Variants in ETV6 observed in about 807,000 individuals in gnomAD.
ETV6 encodes the protein ETS variant transcription factor 6, also known as transcription factor ETV6.
Under a neutral mutation model 51.1 loss-of-function variants are expected in ETV6, and 16 were observed. The ratio of observed to expected loss-of-function variants is 0.31; its 90% CI spans 0.21 to 0.48. The LOEUF is 0.48. Ranked by LOEUF, ETV6 falls within the 20% of genes least tolerant of loss-of-function variation. The pLI is 0.99. For missense variants in ETV6, 458 were observed against 594.8 expected, an observed-to-expected ratio of 0.77 and a Z score of 2.39; for synonymous variants, 240 against 224.1, an observed-to-expected ratio of 1.07 and a Z score of -0.64.
chr12:11,743,358 G>A (rs1159449732), intron 1 of ETV6, among the ~76,000 whole-genome samples: 3 of 152,088 alleles, frequency 2.0e-5, no homozygotes, highest in Non-Finnish European at 4.4e-5. Context: ...TGTTTATTTC[G>A]GAGCCTGAAG....
In ETV6 at chr12:11,869,602, G is replaced by A. The variant is rs72550786; in HGVS notation, c.642G>A (p.Pro214=). 1.2e-3 allele frequency: 1,919 copies of A among 1,614,094 alleles called. 22 individuals carry two copies. The African/African-American group carries it at 0.021, about 18-fold the overall frequency. Residue 214 remains proline, a synonymous_variant, in exon 5 of 8, where the codon CCG becomes CCA. Coordinates refer to ENST00000396373, the MANE Select transcript of ETV6 (RefSeq NM_001987.5). This position sits in a 1 kb window ranked among gnomAD's most constrained non-coding sequence, Gnocchi z 5.0. ...PLDNMIRRLS[P]AERAQGPRPH... is the part of the protein sequence containing the mutation. The stretch of plus-strand genomic sequence containing the variant: ...ACAACATGATCCGCCGCCTCTCCCC[G>A]GCTGAGAGAGCTCAGGGACCCAGGC...
chr12:11,754,566 G>A (rs1273135083), intron 2 of ETV6, among the ~76,000 whole-genome samples: 1 of 152,234 alleles, frequency 6.6e-6, no homozygotes, highest in Non-Finnish European at 1.5e-5. Context: ...TCGACTGTGG[G>A]TAATTTAACT....
chr12:11,773,180 G>A (rs1294053196), intron 2 of ETV6, among the ~76,000 whole-genome samples: 2 of 143,256 alleles, frequency 1.4e-5, no homozygotes, highest in African/African-American at 2.6e-5. Flanking sequence ...GTGACAGAGT[G>A]AGACTCCATC....
At chr12:11,839,064 CCTT>C in intron 2 of ETV6, 73 bp from the exon 3 acceptor site, 2 of 1,465,408 alleles carry the variant, frequency 1.4e-6, no homozygotes, top group South Asian at 2.6e-5. Flanking sequence ...TATTCAGAGA[CCTT>C]CTCCCTTTAT....
chr12:11,715,814 G>A (rs1865264321), intron 1 of ETV6, among the ~76,000 whole-genome samples: 1 of 152,206 alleles, frequency 6.6e-6, no homozygotes, highest in South Asian at 2.1e-4. Flanking sequence ...CCTTAAAATA[G>A]CTAAATTGAG....
intron 5 of ETV6, among the ~76,000 whole-genome samples, chr12:11,880,494 G>A (rs895007517): frequency 1.3e-5 from 2 of 149,110 alleles, no homozygotes; most frequent in African/African-American, 2.6e-5. Flanking sequence ...CCCAGTGCAG[G>A]TTAAGCCCTT....
intron 4 of ETV6, among the ~76,000 whole-genome samples, chr12:11,855,935 T>C (rs1946627394): frequency 6.6e-6 from 1 of 152,218 alleles, no homozygotes. Flanking sequence ...GCAAGGAATA[T>C]ATTACCTAGC....
At chr12:11,751,679 C>T (rs1278831994) in intron 1 of ETV6, among the ~76,000 whole-genome samples, 3 of 152,162 alleles carry the variant, frequency 2.0e-5, no homozygotes, top group African/African-American at 7.2e-5. Flanking sequence ...TCCCACCCCA[C>T]CCTTTGATAC....
At chr12:11,711,736 T>A in intron 1 of ETV6, among the ~76,000 whole-genome samples, 1 of 152,240 alleles carries the variant, frequency 6.6e-6, no homozygotes, top group East Asian at 1.9e-4. Flanking sequence ...GACTGTAAAA[T>A]GAATAAGGTA....
chr12:11,758,876 C>T (rs1472365081), intron 2 of ETV6, among the ~76,000 whole-genome samples: 3 of 152,162 alleles, frequency 2.0e-5, no homozygotes, highest in Non-Finnish European at 4.4e-5. Flanking sequence ...TACTTTGTTC[C>T]CCCTTAAGCC....
chr12:11,655,027 CT>C (rs1317552999), intron 1 of ETV6, among the ~76,000 whole-genome samples: 1 of 152,194 alleles, frequency 6.6e-6, no homozygotes, highest in African/African-American at 2.4e-5. Flanking sequence ...TCACATTCTG[CT>C]CCTCTGAGTG....
intron 1 of ETV6, among the ~76,000 whole-genome samples, chr12:11,713,764 A>G (rs1308521285): frequency 6.6e-6 from 1 of 152,250 alleles, no homozygotes; most frequent in Non-Finnish European, 1.5e-5. Flanking sequence ...CCACTAGGAC[A>G]GTGGTTCTTA....
intron 1 of ETV6, among the ~76,000 whole-genome samples, chr12:11,652,461 T>A (rs1422486204): frequency 6.6e-6 from 1 of 152,208 alleles, no homozygotes; most frequent in Non-Finnish European, 1.5e-5. Flanking sequence ...GTTGCTTGCT[T>A]CTAGAGTCCA....
chr12:11,852,334 T>A (rs950565920), intron 3 of ETV6, among the ~76,000 whole-genome samples: 1 of 152,254 alleles, frequency 6.6e-6, no homozygotes, highest in African/African-American at 2.4e-5. Context: ...TAGATGATTT[T>A]CTAGAGATTG....
At chr12:11,849,302 G>C (rs55877800) in intron 3 of ETV6, among the ~76,000 whole-genome samples, 1 of 151,838 alleles carries the variant, frequency 6.6e-6, no homozygotes, top group Non-Finnish European at 1.5e-5. Context: ...GTAGAGATGG[G>C]GATCTCACTA....
chr12:11,823,469 C>CTTTTTT (rs756553588), intron 2 of ETV6, among the ~76,000 whole-genome samples: 9 of 137,572 alleles, frequency 6.5e-5, no homozygotes, highest in African/African-American at 1.9e-4. Flanking sequence ...TCCTTTTTTT[C>CTTTTTT]TTTTTTTTTT....
At chr12:11,660,208 G>A (rs1231900633) in intron 1 of ETV6, among the ~76,000 whole-genome samples, 1 of 152,084 alleles carries the variant, frequency 6.6e-6, no homozygotes, top group Non-Finnish European at 1.5e-5. Flanking sequence ...AAAAATCAAA[G>A]AGACAATTTA....
chr12:11,753,100 C>G (rs7303518), intron 2 of ETV6, among the ~76,000 whole-genome samples: 74,583 of 151,644 alleles, frequency 0.49, 19,721 homozygotes, highest in Admixed American at 0.65. Flanking sequence ...TAGGTCCTCT[C>G]TCTTGCCTCC....
At chr12:11,686,119 A>G (rs147512846) in intron 1 of ETV6, among the ~76,000 whole-genome samples, 21 of 152,360 alleles carry the variant, frequency 1.4e-4, no homozygotes, top group Non-Finnish European at 2.5e-4. Context: ...AGGTGCTGGT[A>G]TTTTAGGCTT....
Sources: allele counts gnomAD v4.1 joint callset (sites outside exome capture counted in the v4.1 genomes callset), GRCh38; gene constraint gnomAD v4.1.1; non-coding constraint Gnocchi (gnomAD v3.1); transcripts MANE v1.5; gene names NCBI Gene and HGNC (gene_info 2026-07-23, HGNC 2026-07-21).